The following CTNNA3 variants were observed in gnomAD, a reference collection of about 807,000 sequenced individuals.
The protein encoded by CTNNA3 is catenin alpha 3.
CTNNA3 carries 76 observed loss-of-function variants against 95.7 expected under a neutral mutation model. The ratio of observed to expected loss-of-function variants is 0.79; its 90% confidence interval spans 0.66 to 0.96. CTNNA3 has a LOEUF of 0.96. Ranked by LOEUF, CTNNA3 falls within the 40% of genes least tolerant of loss-of-function variation. The pLI is 0.00. For synonymous variants in CTNNA3, 431 were observed against 374.4 expected, an observed-to-expected ratio of 1.15 and a Z score of -1.74; for missense variants, 1,191 against 1,089.8, an observed-to-expected ratio of 1.09 and a Z score of -1.31.
chr10:67,252,088 G>A (rs914529076), intron 5 of CTNNA3, among the ~76,000 whole-genome samples: 12 of 151,994 alleles, frequency 7.9e-5, no homozygotes, highest in Admixed American at 6.6e-5. Context: ...GTGTGTGCCC[G>A]AAGTCCCAGC....
chr10:66,815,415 T>A (rs1406747087), intron 7 of CTNNA3, among the ~76,000 whole-genome samples: 2 of 152,156 alleles, frequency 1.3e-5, no homozygotes, highest in Non-Finnish European at 2.9e-5. Flanking sequence ...AGGGGAAGGA[T>A]GGGGCTAAAG....
chr10:67,016,860 TATAACA>T (rs1852691242), intron 7 of CTNNA3, among the ~76,000 whole-genome samples: 1 of 152,212 alleles, frequency 6.6e-6, no homozygotes, highest in African/African-American at 2.4e-5. Context: ...AAAACACCTC[TATAACA>T]ATATCTAAAA....
At chr10:67,137,847 T>C (rs1418673786) in intron 7 of CTNNA3, among the ~76,000 whole-genome samples, 3 of 151,988 alleles carry the variant, frequency 2.0e-5, no homozygotes, top group African/African-American at 7.3e-5. Flanking sequence ...AAGGAGGGCT[T>C]GTATGAGTTA....
intron 3 of CTNNA3, among the ~76,000 whole-genome samples, chr10:67,583,941 A>C (rs149359708): frequency 2.1e-3 from 314 of 152,022 alleles, no homozygotes; most frequent in Admixed American, 3.8e-3. Flanking sequence ...TATGCTGCTT[A>C]TTCTAGTTGG....
chr10:67,038,095 T>C (rs2133134453), intron 7 of CTNNA3, among the ~76,000 whole-genome samples: 1 of 152,282 alleles, frequency 6.6e-6, no homozygotes, highest in South Asian at 2.1e-4. Context: ...TTTATTTCGA[T>C]TTAATAGTAC....
chr10:67,519,219 C>T (rs1839909973), intron 5 of CTNNA3, among the ~76,000 whole-genome samples: 1 of 152,064 alleles, frequency 6.6e-6, no homozygotes, highest in Admixed American at 6.6e-5. Flanking sequence ...GTAGTCTTAT[C>T]TTGTGCCGAG....
intron 3 of CTNNA3, among the ~76,000 whole-genome samples, chr10:67,559,752 G>A (rs957934318): frequency 3.3e-5 from 5 of 152,060 alleles, no homozygotes; most frequent in African/African-American, 7.2e-5. Context: ...AAATATAGAC[G>A]AATGTACAAC....
At chr10:67,421,514 G>A (rs1845748794) in intron 5 of CTNNA3, among the ~76,000 whole-genome samples, 1 of 152,032 alleles carries the variant, frequency 6.6e-6, no homozygotes, top group Non-Finnish European at 1.5e-5. Flanking sequence ...TACCCACAAG[G>A]GCACCTTTCC....
At chr10:67,615,961 G>C (rs1027325618) in intron 2 of CTNNA3, among the ~76,000 whole-genome samples, 6 of 152,118 alleles carry the variant, frequency 3.9e-5, no homozygotes, top group African/African-American at 1.2e-4. Context: ...ACTGCACCTG[G>C]CCAATAGTAG....
At chr10:66,092,675 T>A (rs2081254927) in intron 14 of CTNNA3, among the ~76,000 whole-genome samples, 1 of 151,944 alleles carries the variant, frequency 6.6e-6, no homozygotes, top group Non-Finnish European at 1.5e-5. Flanking sequence ...TATAAACTAC[T>A]AAAGATATAG....
intron 13 of CTNNA3, among the ~76,000 whole-genome samples, chr10:66,217,934 T>TTC (rs3053736): frequency 6.6e-6 from 1 of 151,434 alleles, no homozygotes; most frequent in Non-Finnish European, 1.5e-5. Context: ...TCCTAACTGA[T>TTC]TCTGAATAAT....
intron 13 of CTNNA3, among the ~76,000 whole-genome samples, chr10:66,275,118 T>C (rs1037480205): frequency 3.6e-5 from 5 of 138,104 alleles, no homozygotes; most frequent in Non-Finnish European, 7.6e-5. Flanking sequence ...TAATTTGCAT[T>C]TTTTTTCCTT....
At chr10:66,218,568 C>T (rs992829476) in intron 13 of CTNNA3, among the ~76,000 whole-genome samples, 3 of 152,164 alleles carry the variant, frequency 2.0e-5, no homozygotes, top group Non-Finnish European at 2.9e-5. Flanking sequence ...GAGACTACAA[C>T]TCTAGCAAAC....
chr10:66,474,939 T>C (rs768783482), intron 11 of CTNNA3, among the ~76,000 whole-genome samples: 2 of 152,034 alleles, frequency 1.3e-5, no homozygotes, highest in Non-Finnish European at 2.9e-5. Flanking sequence ...TTGAGTTCAG[T>C]TGAGTTCCTT....
intron 10 of CTNNA3, among the ~76,000 whole-genome samples, chr10:66,569,921 T>C (rs1842817824): frequency 6.6e-6 from 1 of 152,168 alleles, no homozygotes; most frequent in South Asian, 2.1e-4. Flanking sequence ...TAGATATTTG[T>C]TAAATGTTTT....
chr10:66,191,568 A>G (rs1272651542), intron 13 of CTNNA3, among the ~76,000 whole-genome samples: 2 of 151,958 alleles, frequency 1.3e-5, no homozygotes, highest in African/African-American at 4.8e-5. Flanking sequence ...GTGCTGTTCA[A>G]AGATTGGCAC....
chr10:67,205,736 T>C (rs951695344), intron 6 of CTNNA3, among the ~76,000 whole-genome samples: 2 of 152,186 alleles, frequency 1.3e-5, no homozygotes, highest in Non-Finnish European at 2.9e-5. Context: ...TTTAAAATAC[T>C]TGTTTCTGAG....
At chr10:66,542,038 A>T (rs1231552157) in intron 10 of CTNNA3, among the ~76,000 whole-genome samples, 1 of 152,196 alleles carries the variant, frequency 6.6e-6, no homozygotes, top group Non-Finnish European at 1.5e-5. Flanking sequence ...AAACAAATTT[A>T]CAAGAAAAAA....
At chr10:67,654,101 T>A (rs1564811446) in intron 1 of CTNNA3, among the ~76,000 whole-genome samples, 3 of 152,020 alleles carry the variant, frequency 2.0e-5, no homozygotes, top group African/African-American at 7.2e-5. Context: ...CAGCCAGAAG[T>A]GGGAAGAGAA....
Sources: allele counts gnomAD v4.1 joint callset (sites outside exome capture counted in the v4.1 genomes callset), GRCh38; gene constraint gnomAD v4.1.1; transcripts MANE v1.5; gene names NCBI Gene and HGNC (gene_info 2026-07-23, HGNC 2026-07-21).